Variants in OFD1 observed in about 807,000 individuals in gnomAD.
OFD1 encodes centriole and centriolar satellite protein OFD1.
OFD1 carries 12 observed loss-of-function variants against 81.4 expected under a neutral mutation model. The ratio of observed to expected loss-of-function variants is 0.15; its 90% CI spans 0.09 to 0.24. The LOEUF is 0.24. Ranked by LOEUF, OFD1 falls within the 10% of genes least tolerant of loss-of-function variation. OFD1 has a pLI of 1.00. For missense variants in OFD1, 685 were observed against 733.9 expected (o/e 0.93, Z 0.77); for synonymous variants, 256 against 263.7 (o/e 0.97, Z 0.28).
chrX:13,714,927 T>C, the OFD1 span, among the ~76,000 whole-genome samples: 1 of 112,499 alleles, frequency 8.9e-6, no homozygotes, highest in Non-Finnish European at 1.9e-5. Flanking sequence ...TTTAATACTC[T>C]CCTTTAACAC....
At chrX:13,739,672 C>T (rs768216401) in intron 5 of OFD1, 8 of 169,485 alleles carry the variant, frequency 4.7e-5, no homozygotes, top group South Asian at 2.7e-4. Flanking sequence ...CGCTTGAACC[C>T]GGAAGGCAGA....
Position 13,761,120 on chromosome X carries a change from T to C in OFD1, c.2296T>C (p.Cys766Arg). The change falls in exon 17 of 23, where the codon TGT becomes CGT. Residue 766 changes from cysteine to arginine, a missense_variant. By Grantham distance (180) the Cys-to-Arg change is radical. This residue lies in a region of OFD1 where 259 missense variants were observed against 254.4 expected (regional missense o/e 1.02). Transcript: ENST00000340096. The stretch of plus-strand genomic sequence containing the variant: ...ATCACACATTGCTTCCCCCAGTCCT[T>C]GTCCTGACAGAATGCCCCTACCATC... ...GRSHIASPSPCPDRMPLPSPT... is the reference protein window; with the variant it reads ...GRSHIASPSPRPDRMPLPSPT... 1 of 1,211,198 alleles carries C rather than the reference T, an allele frequency of 8.3e-7. No homozygotes were observed. Among genetic ancestry groups the C allele is most frequent in the East Asian group, 3.0e-5 (1 of 33,834 alleles).
chrX:13,765,900 G>A (rs2048107397), intron 19 of OFD1, among the ~76,000 whole-genome samples: 1 of 112,238 alleles, frequency 8.9e-6, no homozygotes, highest in African/African-American at 3.2e-5. Flanking sequence ...CAAGTGAGAT[G>A]CTGGAGTGGT....
At chrX:13,732,704 G>C (rs750454782), upstream of OFD1, among the ~76,000 whole-genome samples, 2 of 113,031 alleles carry the variant, frequency 1.8e-5, no homozygotes, top group Non-Finnish European at 3.7e-5. Context: ...TAAGGGGTGG[G>C]TGGAACACCA....
At chrX:13,716,544 G>A in the OFD1 span, 1 of 1,211,485 alleles carries the variant, frequency 8.3e-7, no homozygotes, top group Non-Finnish European at 1.1e-6. Flanking sequence ...GCCCCGCAGT[G>A]ACAAATGCCG....
chrX:13,752,411 C>G (rs1274835563), intron 10 of OFD1, among the ~76,000 whole-genome samples: 1 of 112,240 alleles, frequency 8.9e-6, no homozygotes, highest in Non-Finnish European at 1.9e-5. Context: ...TATTTGGCCT[C>G]TTTTATTGCC....
downstream of OFD1, chrX:13,772,612 A>G: frequency 3.4e-6 from 1 of 294,304 alleles, no homozygotes; most frequent in Non-Finnish European, 6.1e-6. Context: ...AAATGTGAAC[A>G]TGCCACAAAT....
At chrX:13,753,158 A>G in intron 10 of OFD1, 2 of 1,041,467 alleles carry the variant, frequency 1.9e-6, no homozygotes, top group African/African-American at 1.9e-5. Flanking sequence ...GAGTTTTGGG[A>G]CCCAGTTTAT....
rs1390097313 is a variant in OFD1 at position 13,738,839 on chromosome X, T to A, written c.313-7T>A. ...TATGTCTACTTAGTAACCTATTTTT[T>A]CTTAAGGTATTTACTATGCAGGATC... is the stretch of plus-strand genomic sequence containing the variant. On this transcript the variant is annotated splice_region_variant and splice_polypyrimidine_tract_variant and intron_variant, in intron 3 of 22. Transcript: ENST00000340096. 9.2e-7 allele frequency: 1 copy of A among 1,088,562 alleles called. No individual in the cohort carries two copies. The highest frequency in any genetic ancestry group is 1.3e-6 in the Non-Finnish European group (1 of 787,569). 89.7% of individuals were successfully genotyped at this position (1,088,562 alleles called of 1,213,427 possible). A position where few individuals can be genotyped will look rare whatever the true frequency, so the allele number is the denominator to read the frequency against.
At chrX:13,752,472 C>T (rs1446945182) in intron 10 of OFD1, among the ~76,000 whole-genome samples, 1 of 112,149 alleles carries the variant, frequency 8.9e-6, no homozygotes, top group Non-Finnish European at 1.9e-5. Flanking sequence ...GCAAAGGTTT[C>T]TTGAGGTAAT....
At chrX:13,761,260 G>A in intron 17 of OFD1, 49 bp downstream of exon 17, 1 of 1,167,455 alleles carries the variant, frequency 8.6e-7, no homozygotes, top group Non-Finnish European at 1.2e-6. Context: ...AATGTTACTT[G>A]CTCTGTCAGC....
upstream of OFD1, among the ~76,000 whole-genome samples, chrX:13,730,899 A>T (rs1037992067): frequency 2.5e-4 from 23 of 90,342 alleles, no homozygotes; most frequent in African/African-American, 9.7e-4. Context: ...AGGGAATATC[A>T]CACACTGGGG....
intron 16 of OFD1, 149 bp downstream of exon 16, chrX:13,760,869 T>C: frequency 1.5e-5 from 12 of 819,215 alleles, no homozygotes; most frequent in Non-Finnish European, 2.1e-5. Context: ...ATAGTTGCCT[T>C]GCCTTTGCTG....
chrX:13,743,911 T>G (rs905685917), intron 5 of OFD1, among the ~76,000 whole-genome samples: 1 of 111,949 alleles, frequency 8.9e-6, no homozygotes, highest in African/African-American at 3.3e-5. Flanking sequence ...AAGTTTTCAG[T>G]TTTTATGTAG....
rs1384741515 is a variant in OFD1, at chrX:13,753,447, G to GT, written c.1129+9dup. The GT allele has an allele frequency of 5.8e-6, 7 of 1,206,585 alleles. No individual in the cohort carries two copies. In the East Asian group the frequency reaches 8.9e-5, roughly 15 times the overall value. The stretch of plus-strand genomic sequence containing the variant: ...AGATGAAAGGAAGAATAAAGGTGAT[G>GT]TTTGGGGGGAAAATAAGCTGTATTT... On this transcript the variant is annotated splice_region_variant and intron_variant, in intron 11 of 22. Transcript: ENST00000340096.
intron 5 of OFD1, among the ~76,000 whole-genome samples, chrX:13,742,130 T>C (rs2047129429): frequency 8.9e-6 from 1 of 112,114 alleles, no homozygotes; most frequent in African/African-American, 3.2e-5. Context: ...GAATAAGACA[T>C]ATACATCAAT....
chrX:13,727,261 T>G, the OFD1 span, among the ~76,000 whole-genome samples: 2 of 111,995 alleles, frequency 1.8e-5, no homozygotes, highest in African/African-American at 6.5e-5. Context: ...CTAATAGACA[T>G]CTACAGAACT....
the OFD1 span, among the ~76,000 whole-genome samples, chrX:13,724,400 TAAA>T: frequency 1.2e-5 from 1 of 82,324 alleles, no homozygotes; most frequent in African/African-American, 4.5e-5. Flanking sequence ...AATATATATT[TAAA>T]AAAAAAAAAA....
downstream of OFD1, among the ~76,000 whole-genome samples, chrX:13,770,499 T>G (rs2048276412): frequency 8.9e-6 from 1 of 112,461 alleles, no homozygotes; most frequent in African/African-American, 3.2e-5. Context: ...AAGTAACATA[T>G]TTAGCTTGGC....
Sources: gnomAD v4.1 joint callset for allele counts (sites outside exome capture counted in the v4.1 genomes callset) on GRCh38, gnomAD v4.1.1 for gene constraint, gnomAD v4.1.1 regional missense constraint, MANE v1.5 for transcripts, NCBI Gene and HGNC (gene_info 2026-07-23, HGNC 2026-07-21) for gene names.